Variants in SOBP observed in about 807,000 individuals in gnomAD.
SOBP encodes the protein sine oculis binding protein homolog.
SOBP carries 4 observed loss-of-function variants against 53.6 expected under a neutral mutation model. That is an observed-to-expected ratio of 0.07 (90% CI 0.04 to 0.17). SOBP has a LOEUF of 0.17. SOBP is among the 10% of genes least tolerant of loss of function. The pLI, the probability that SOBP is intolerant of heterozygous loss-of-function variation, is 1.00. For missense variants in SOBP, 1,088 were observed against 1,204.7 expected (o/e 0.90, Z 1.43); for synonymous variants, 584 against 522.6 (o/e 1.12, Z -1.60).
At chr6:107,644,988 C>T (rs1220220869) in intron 6 of SOBP, among the ~76,000 whole-genome samples, 1 of 152,034 alleles carries the variant, frequency 6.6e-6, no homozygotes, top group African/African-American at 2.4e-5. Context: ...CAACATGGAC[C>T]TTAAATATTG....
At chr6:107,585,759 C>T (rs556846924) in intron 4 of SOBP, among the ~76,000 whole-genome samples, 1 of 152,164 alleles carries the variant, frequency 6.6e-6, no homozygotes, top group South Asian at 2.1e-4. Context: ...CCTCCCTGGA[C>T]TAGGTAGCAG....
intron 5 of SOBP, among the ~76,000 whole-genome samples, chr6:107,620,716 C>T (rs1328321591): frequency 6.6e-6 from 1 of 152,236 alleles, no homozygotes; most frequent in African/African-American, 2.4e-5. Flanking sequence ...TTTTATTTCA[C>T]TCTTAGATAC....
chr6:107,611,875 C>T (rs1342981557), intron 5 of SOBP, among the ~76,000 whole-genome samples: 1 of 151,830 alleles, frequency 6.6e-6, no homozygotes, highest in Non-Finnish European at 1.5e-5. Flanking sequence ...TGAGGTGAAC[C>T]CAAGAATGGA....
intron 3 of SOBP, among the ~76,000 whole-genome samples, chr6:107,517,781 G>A (rs1279560483): frequency 2.0e-5 from 3 of 152,130 alleles, no homozygotes; most frequent in Non-Finnish European, 4.4e-5. Context: ...ATGCCTAGGG[G>A]AATTTATGAT....
At chr6:107,542,866 G>T (rs1469813081) in intron 4 of SOBP, among the ~76,000 whole-genome samples, 1 of 152,012 alleles carries the variant, frequency 6.6e-6, no homozygotes, top group African/African-American at 2.4e-5. Context: ...GGCAGGTGGG[G>T]CTTGTCCCCA....
intron 4 of SOBP, among the ~76,000 whole-genome samples, chr6:107,571,706 A>G (rs1309084379): frequency 1.3e-5 from 2 of 152,220 alleles, no homozygotes; most frequent in Non-Finnish European, 2.9e-5. Context: ...CTTTTCCATC[A>G]AAGATGTCAT....
intron 5 of SOBP, among the ~76,000 whole-genome samples, chr6:107,599,373 T>C (rs1049646624): frequency 6.6e-6 from 1 of 152,190 alleles, no homozygotes; most frequent in Non-Finnish European, 1.5e-5. Flanking sequence ...ATAAAACTCA[T>C]ATGAGTAGTC....
At chr6:107,550,383 G>A (rs922084930) in intron 4 of SOBP, among the ~76,000 whole-genome samples, 1 of 152,184 alleles carries the variant, frequency 6.6e-6, no homozygotes, top group Non-Finnish European at 1.5e-5. Context: ...GAATTGTCCT[G>A]TGCTTGTGTG....
At chr6:107,656,643 C>T (rs1291352186) in intron 6 of SOBP, among the ~76,000 whole-genome samples, 1 of 152,146 alleles carries the variant, frequency 6.6e-6, no homozygotes, top group African/African-American at 2.4e-5. Context: ...CCATTAACAC[C>T]AGGATTTAGA....
At chr6:107,606,363 C>T (rs1403167507) in intron 5 of SOBP, among the ~76,000 whole-genome samples, 3 of 152,166 alleles carry the variant, frequency 2.0e-5, no homozygotes, top group South Asian at 4.2e-4. Flanking sequence ...AGGTGTGAGC[C>T]ACTGCGCCTG....
intron 5 of SOBP, among the ~76,000 whole-genome samples, chr6:107,591,853 A>G (rs1583246556): frequency 6.6e-6 from 1 of 151,854 alleles, no homozygotes; most frequent in South Asian, 2.1e-4. Context: ...TTCAACAATT[A>G]TCAACTCAGG....
intron 1 of SOBP, among the ~76,000 whole-genome samples, chr6:107,500,772 A>G (rs368654125): frequency 3.0e-4 from 46 of 152,142 alleles, no homozygotes; most frequent in East Asian, 2.3e-3. Flanking sequence ...TGATCTGCCC[A>G]CCTTGGCCTC....
intron 5 of SOBP, among the ~76,000 whole-genome samples, chr6:107,617,969 A>AG (rs1221185359): frequency 6.6e-6 from 1 of 151,792 alleles, no homozygotes; most frequent in Non-Finnish European, 1.5e-5. Flanking sequence ...CTGGGACTAC[A>AG]GGCACCCGCC....
intron 4 of SOBP, among the ~76,000 whole-genome samples, chr6:107,552,569 A>C (rs778418375): frequency 6.6e-6 from 1 of 152,134 alleles, no homozygotes; most frequent in Non-Finnish European, 1.5e-5. Context: ...AGTTGAATGG[A>C]GGGATAGACA....
intron 4 of SOBP, among the ~76,000 whole-genome samples, chr6:107,576,493 A>T (rs2115045124): frequency 6.6e-6 from 1 of 152,286 alleles, no homozygotes; most frequent in African/African-American, 2.4e-5. Context: ...ATACTTTCCT[A>T]TGTCTGTCCA....
chr6:107,622,787 G>A (rs1583282666), intron 5 of SOBP, among the ~76,000 whole-genome samples: 1 of 152,140 alleles, frequency 6.6e-6, no homozygotes, highest in Non-Finnish European at 1.5e-5. Flanking sequence ...ATAAAAGGAA[G>A]CATCAAAAGA....
At chr6:107,494,157 C>T (rs1782644228) in intron 1 of SOBP, among the ~76,000 whole-genome samples, 1 of 152,144 alleles carries the variant, frequency 6.6e-6, no homozygotes, top group Non-Finnish European at 1.5e-5. Flanking sequence ...AATTAGTCTG[C>T]CTTATTTAAT....
At chr6:107,538,732 G>A (rs1784072768) in intron 4 of SOBP, among the ~76,000 whole-genome samples, 2 of 152,098 alleles carry the variant, frequency 1.3e-5, no homozygotes, top group Admixed American at 1.3e-4. Flanking sequence ...ATAGCAAACG[G>A]GTGTTCTCAG....
At chr6:107,535,186 G>A (rs970340976) in intron 4 of SOBP, among the ~76,000 whole-genome samples, 1 of 152,110 alleles carries the variant, frequency 6.6e-6, no homozygotes, top group Non-Finnish European at 1.5e-5. Context: ...TTTGCAAACT[G>A]TATTTTATAG....
Sources: gnomAD v4.1 joint callset for allele counts (sites outside exome capture counted in the v4.1 genomes callset) on GRCh38, gnomAD v4.1.1 for gene constraint, MANE v1.5 for transcripts, NCBI Gene and HGNC (gene_info 2026-07-23, HGNC 2026-07-21) for gene names.